Variants in NXPH1 observed in about 807,000 individuals in gnomAD.
The protein encoded by NXPH1 is neurexophilin-1.
In NXPH1, 5 loss-of-function variants were observed where a neutral mutation model predicts 23.7. The ratio of observed to expected loss-of-function variants is 0.21; its 90% CI spans 0.11 to 0.44. The LOEUF is 0.44. Ranked by LOEUF, NXPH1 falls within the 20% of genes least tolerant of loss-of-function variation. The pLI is 0.99. For synonymous variants in NXPH1, 144 were observed against 122.2 expected (o/e 1.18, Z -1.18); for missense variants, 324 against 321.6 (o/e 1.01, Z -0.06).
intron 2 of NXPH1, among the ~76,000 whole-genome samples, chr7:8,580,134 G>A (rs542061876): frequency 8.5e-5 from 13 of 152,322 alleles, no homozygotes; most frequent in African/African-American, 3.1e-4. Flanking sequence ...TGGGGAACGG[G>A]CATGTAAGGA....
intron 2 of NXPH1, among the ~76,000 whole-genome samples, chr7:8,679,950 G>A (rs532285222): frequency 1.3e-5 from 2 of 152,374 alleles, no homozygotes; most frequent in East Asian, 1.9e-4. Context: ...GAACCCAGGA[G>A]GCTGAGGTTG....
chr7:8,455,136 G>C (rs1247731850), intron 2 of NXPH1, among the ~76,000 whole-genome samples: 5 of 151,958 alleles, frequency 3.3e-5, no homozygotes, highest in Non-Finnish European at 5.9e-5. Context: ...ATTATTTTTT[G>C]TTAGACTGCC....
intron 2 of NXPH1, among the ~76,000 whole-genome samples, chr7:8,570,162 A>T (rs1037843780): frequency 6.6e-6 from 1 of 151,906 alleles, no homozygotes; most frequent in African/African-American, 2.4e-5. Flanking sequence ...AATGGTTCTT[A>T]ATTTATTTAA....
intron 2 of NXPH1, among the ~76,000 whole-genome samples, chr7:8,478,632 T>G (rs1209767030): frequency 6.6e-6 from 1 of 152,018 alleles, no homozygotes; most frequent in Non-Finnish European, 1.5e-5. Flanking sequence ...AAAACTGATT[T>G]GAAACTACAT....
At chr7:8,590,552 G>C (rs1819071602) in intron 2 of NXPH1, among the ~76,000 whole-genome samples, 1 of 152,084 alleles carries the variant, frequency 6.6e-6, no homozygotes, top group Non-Finnish European at 1.5e-5. Flanking sequence ...GGTGGTTTAA[G>C]ATCCTGAAAC....
intron 2 of NXPH1, among the ~76,000 whole-genome samples, chr7:8,682,640 T>C (rs1424432711): frequency 6.6e-6 from 1 of 152,194 alleles, no homozygotes; most frequent in East Asian, 1.9e-4. Context: ...AATTGAAATA[T>C]AATCTCATGC....
intron 2 of NXPH1, among the ~76,000 whole-genome samples, chr7:8,444,901 A>T (rs929129654): frequency 1.3e-5 from 2 of 152,118 alleles, no homozygotes; most frequent in African/African-American, 4.8e-5. Flanking sequence ...CTTCTCTTGG[A>T]TTTTCTTTTC....
chr7:8,514,130 C>T lies in NXPH1; in HGVS notation c.54+78363C>T, dbSNP rs1364352442. Among the ~76,000 whole-genome samples the T allele has an allele frequency of 2.0e-5, 3 of 152,062 alleles. No individual in the cohort carries two copies. In the East Asian group the frequency reaches 5.8e-4, roughly 29 times the overall value. On this transcript the variant is annotated intron_variant, in intron 2 of 2. Transcript: ENST00000405863. ...AATTACTTCTGAAAAGACTCTGTTTCCAAATAAAGTTACATTCTAAGGTAC... is the reference window on the plus strand; with the variant it reads ...AATTACTTCTGAAAAGACTCTGTTTTCAAATAAAGTTACATTCTAAGGTAC...
chr7:8,537,680 T>C (rs143143387), intron 2 of NXPH1, among the ~76,000 whole-genome samples: 52 of 152,024 alleles, frequency 3.4e-4, no homozygotes, highest in Admixed American at 1.2e-3. Flanking sequence ...CTGGGAATTA[T>C]CACATTTGTG....
At chr7:8,544,206 C>T (rs1339821193) in intron 2 of NXPH1, among the ~76,000 whole-genome samples, 5 of 149,658 alleles carry the variant, frequency 3.3e-5, no homozygotes, top group African/African-American at 1.2e-4. Context: ...TTAGAAATCA[C>T]AGCAACTGTT....
Position 8,589,887 on chromosome 7 carries a change from G to T in NXPH1, c.54+154120G>T, listed in dbSNP as rs1020650474. 1.3e-5 allele frequency among the ~76,000 whole-genome samples: 2 copies of T among 152,150 alleles called. 1 individual carries two copies. Among genetic ancestry groups the T allele is most frequent in the South Asian group, 4.1e-4 (2 of 4,824 alleles). On this transcript the variant is annotated intron_variant, in intron 2 of 2. Transcript: ENST00000405863. The stretch of plus-strand genomic sequence containing the variant: ...CAATAGATAGCCACTAGCCACAGGT[G>T]ACTCTTTAACTTTATTAAAATAAAA...
intron 2 of NXPH1, among the ~76,000 whole-genome samples, chr7:8,651,676 G>A (rs4534062): frequency 0.71 from 107,599 of 152,020 alleles, 38,817 homozygotes; most frequent in East Asian, 1. Flanking sequence ...TAAGCCTTTC[G>A]GATGAATTCA....
chr7:8,587,625 T>G (rs1479774431), intron 2 of NXPH1, among the ~76,000 whole-genome samples: 1 of 152,112 alleles, frequency 6.6e-6, no homozygotes, highest in African/African-American at 2.4e-5. Context: ...CCTAATGATA[T>G]CCCTCCCCTA....
At chr7:8,569,015 A>G (rs1421621668) in intron 2 of NXPH1, among the ~76,000 whole-genome samples, 1 of 151,954 alleles carries the variant, frequency 6.6e-6, no homozygotes, top group African/African-American at 2.4e-5. Context: ...CCTTGACAAT[A>G]TAAGTCTATG....
At chr7:8,454,558 T>A (rs1378109689) in intron 2 of NXPH1, among the ~76,000 whole-genome samples, 1 of 152,150 alleles carries the variant, frequency 6.6e-6, no homozygotes, top group Non-Finnish European at 1.5e-5. Flanking sequence ...GAGCTAGATG[T>A]AGAAGATTTT....
chr7:8,643,526 A>G (rs1011678202), intron 2 of NXPH1, among the ~76,000 whole-genome samples: 6 of 152,086 alleles, frequency 3.9e-5, no homozygotes, highest in African/African-American at 1.4e-4. Flanking sequence ...TAATATGACA[A>G]TTTGACTGAT....
chr7:8,550,322 G>C (rs750091237), intron 2 of NXPH1, among the ~76,000 whole-genome samples: 2 of 151,560 alleles, frequency 1.3e-5, no homozygotes, highest in Non-Finnish European at 3.0e-5. Flanking sequence ...CTGGGATCCA[G>C]CTTATGGTAA....
chr7:8,749,334 G>C (rs1421802391), intron 2 of NXPH1, among the ~76,000 whole-genome samples: 1 of 152,202 alleles, frequency 6.6e-6, no homozygotes, highest in African/African-American at 2.4e-5. Flanking sequence ...TAACTAACTT[G>C]ACCAGGGGCA....
At chr7:8,633,764 C>G (rs961662905) in intron 2 of NXPH1, among the ~76,000 whole-genome samples, 9 of 152,182 alleles carry the variant, frequency 5.9e-5, no homozygotes, top group African/African-American at 1.9e-4. Flanking sequence ...GACAACAATG[C>G]ATGTTTGACA....
Sources: gnomAD v4.1 joint callset for allele counts (sites outside exome capture counted in the v4.1 genomes callset) on GRCh38, gnomAD v4.1.1 for gene constraint, MANE v1.5 for transcripts, NCBI Gene and HGNC (gene_info 2026-07-23, HGNC 2026-07-21) for gene names.